FAM13A: variants seen among roughly 807,000 people sequenced by gnomAD.
FAM13A encodes the protein family with sequence similarity 13 member A.
A neutral mutation model predicts 129.6 loss-of-function variants in FAM13A; 76 were observed. That is an observed-to-expected ratio of 0.59 (90% CI 0.49 to 0.71). The LOEUF (loss-of-function observed/expected upper bound fraction) is 0.71, where lower values mean the gene tolerates loss of function less well. Among genes scored for constraint, FAM13A ranks in the 30% least tolerant of loss-of-function variants. The probability of loss-of-function intolerance (pLI) is 0.00; values close to 1 mark genes in which losing one functional copy is unlikely to be tolerated. For missense variants in FAM13A, 1,108 were observed against 1,249.3 expected (o/e 0.89, Z 1.70); for synonymous variants, 443 against 449.9 (o/e 0.98, Z 0.20).
At chr4:89,035,401 C>A (rs1769252040) in intron 1 of FAM13A, among the ~76,000 whole-genome samples, 1 of 150,518 alleles carries the variant, frequency 6.6e-6, no homozygotes, top group African/African-American at 2.5e-5. Flanking sequence ...ACTATGTACT[C>A]TTAGCTACTT....
chr4:88,841,050 T>C (rs1466095265), intron 7 of FAM13A, among the ~76,000 whole-genome samples: 1 of 151,872 alleles, frequency 6.6e-6, no homozygotes, highest in African/African-American at 2.4e-5. Context: ...AATAAAACTA[T>C]AAAACTCTTA....
intron 4 of FAM13A, among the ~76,000 whole-genome samples, chr4:88,946,546 A>T (rs1482689008): frequency 1.3e-5 from 2 of 151,668 alleles, no homozygotes; most frequent in African/African-American, 4.8e-5. Flanking sequence ...TTGAAAATGT[A>T]GTAACAGAAA....
At chr4:88,945,902 T>C (rs1216833206) in intron 4 of FAM13A, among the ~76,000 whole-genome samples, 1 of 133,854 alleles carries the variant, frequency 7.5e-6, no homozygotes, top group Non-Finnish European at 1.6e-5. Flanking sequence ...TGTGTGTATA[T>C]ACACAGACTA....
chr4:88,893,622 CAATG>C (rs767710203), intron 6 of FAM13A, among the ~76,000 whole-genome samples: 16,473 of 126,778 alleles, frequency 0.13, 1,160 homozygotes, highest in Middle Eastern at 0.15. Context: ...GACTCTGTCT[CAATG>C]AATGAATGAA....
chr4:88,810,202 C>T (rs1729397217), intron 7 of FAM13A, among the ~76,000 whole-genome samples: 1 of 152,012 alleles, frequency 6.6e-6, no homozygotes, highest in Non-Finnish European at 1.5e-5. Context: ...AAAAAGACTT[C>T]CAAAGATTTA....
intron 7 of FAM13A, among the ~76,000 whole-genome samples, chr4:88,821,131 G>A (rs1731811258): frequency 6.6e-6 from 1 of 152,136 alleles, no homozygotes; most frequent in Non-Finnish European, 1.5e-5. Context: ...ACGTAAGGGC[G>A]GGAAAGTTTT....
chr4:89,057,140 T>C lies in FAM13A; in HGVS notation c.-176A>G. 2 of 1,439,062 alleles carry C rather than the reference T, an allele frequency of 1.4e-6. No homozygotes were observed. The highest frequency in any genetic ancestry group is 2.5e-5 in the East Asian group (1 of 39,298). 89.1% of individuals were successfully genotyped at this position (1,439,062 alleles called of 1,614,324 possible). Reference sequence around the variant, plus strand: ...AACATTTTAGGAAGAGTGGTTTTGCTTCTCTTTCCGCTGAACCCACATGGC... The same window carrying C: ...AACATTTTAGGAAGAGTGGTTTTGCCTCTCTTTCCGCTGAACCCACATGGC... On this transcript the variant is annotated 5_prime_UTR_variant, in exon 1 of 24. Transcript: ENST00000264344.
At chr4:88,961,200 T>C (rs959256571) in intron 4 of FAM13A, among the ~76,000 whole-genome samples, 12 of 152,166 alleles carry the variant, frequency 7.9e-5, no homozygotes, top group Middle Eastern at 3.4e-3. Context: ...ACAGAAAATA[T>C]AGTTGCAATG....
At chr4:88,825,110 G>A (rs1163528878) in intron 7 of FAM13A, among the ~76,000 whole-genome samples, 5 of 152,160 alleles carry the variant, frequency 3.3e-5, no homozygotes, top group South Asian at 2.1e-4. Context: ...ACATGGAAAG[G>A]TAGTGGCAGA....
chr4:88,758,708 A>G (rs766473287), intron 14 of FAM13A, 46 bp downstream of exon 14: 3 of 1,568,904 alleles, frequency 1.9e-6, no homozygotes, highest in Admixed American at 1.8e-5. Flanking sequence ...GCTTATTTAT[A>G]TATGCTTTAA....
intron 5 of FAM13A, among the ~76,000 whole-genome samples, chr4:88,935,393 T>C (rs1753685738): frequency 6.6e-6 from 1 of 152,196 alleles, no homozygotes; most frequent in Non-Finnish European, 1.5e-5. Flanking sequence ...TTTAGTCCTT[T>C]TCCCCACTTA....
rs759521777 is a variant in FAM13A, at chr4:88,732,045, AT to A, written c.2799del (p.Lys933AsnfsTer26). On this transcript the variant is annotated frameshift_variant, in exon 22 of 24. Coordinates refer to ENST00000264344, the MANE Select transcript of FAM13A (RefSeq NM_014883.4). LOFTEE classifies it high-confidence loss of function. ...ISPMDDKIPS[K>X]CSQDTGLSNL... ...TTTGAAAGCCCTGTGTCCTGGCTGCATTTTGATGGTATTTTATCATCCATTG... is the reference window on the plus strand; with the variant it reads ...TTTGAAAGCCCTGTGTCCTGGCTGCATTTGATGGTATTTTATCATCCATTG... 1 of 1,614,008 alleles carries A rather than the reference AT, an allele frequency of 6.2e-7. No homozygotes were observed.
intron 6 of FAM13A, among the ~76,000 whole-genome samples, chr4:88,886,852 A>G (rs984509570): frequency 6.6e-6 from 1 of 151,964 alleles, no homozygotes; most frequent in Admixed American, 6.6e-5. Flanking sequence ...GGTTGCAGTG[A>G]GCTGAGATCA....
intron 3 of FAM13A, among the ~76,000 whole-genome samples, chr4:89,013,876 G>A (rs1408219439): frequency 6.6e-6 from 1 of 152,196 alleles, no homozygotes; most frequent in East Asian, 1.9e-4. Flanking sequence ...TCTATGTAGA[G>A]TTTGTGCCTT....
intron 1 of FAM13A, among the ~76,000 whole-genome samples, chr4:89,035,878 T>A (rs1769325054): frequency 6.6e-6 from 1 of 152,212 alleles, no homozygotes; most frequent in Non-Finnish European, 1.5e-5. Context: ...GTGAGCCTTT[T>A]AAACATCTTT....
At chr4:88,869,842 T>C (rs746995447) in intron 6 of FAM13A, among the ~76,000 whole-genome samples, 20 of 152,194 alleles carry the variant, frequency 1.3e-4, no homozygotes, top group Non-Finnish European at 2.9e-4. Context: ...AAAACAGACA[T>C]GACTGCATGA....
At chr4:88,993,796 C>T (rs1380591964) in intron 3 of FAM13A, among the ~76,000 whole-genome samples, 1 of 151,940 alleles carries the variant, frequency 6.6e-6, no homozygotes, top group Non-Finnish European at 1.5e-5. Context: ...GTCAGGAGTT[C>T]AAGACCAGCC....
intron 6 of FAM13A, chr4:88,855,953 T>C (rs1738417451): frequency 6.6e-6 from 1 of 152,178 alleles, no homozygotes; most frequent in South Asian, 2.1e-4. Context: ...GACAGCTTCT[T>C]TTCATTGTGG....
intron 4 of FAM13A, among the ~76,000 whole-genome samples, chr4:88,976,407 A>C (rs79827345): frequency 0.052 from 7,870 of 152,266 alleles, 301 homozygotes; most frequent in South Asian, 0.22. Flanking sequence ...GAGATGCAGT[A>C]GTCCTCTATG....
Sources: gnomAD v4.1 joint callset for allele counts (sites outside exome capture counted in the v4.1 genomes callset) on GRCh38, gnomAD v4.1.1 for gene constraint, MANE v1.5 for transcripts, NCBI Gene and HGNC (gene_info 2026-07-23, HGNC 2026-07-21) for gene names.